Variants in NOS1AP observed in about 807,000 individuals in gnomAD.
The protein encoded by NOS1AP is nitric oxide synthase 1 adaptor protein, also known as carboxyl-terminal PDZ ligand of neuronal nitric oxide synthase protein.
In NOS1AP, 21 loss-of-function variants were observed where a neutral mutation model predicts 56.2. The ratio of observed to expected loss-of-function variants is 0.37; its 90% confidence interval spans 0.26 to 0.54. The LOEUF is 0.54. Among genes scored for constraint, NOS1AP ranks in the 20% least tolerant of loss-of-function variants. The pLI is 0.84. For missense variants in NOS1AP, 522 were observed against 657.8 expected, an observed-to-expected ratio of 0.79 and a Z score of 2.26; for synonymous variants, 270 against 274.6, an observed-to-expected ratio of 0.98 and a Z score of 0.17.
intron 5 of NOS1AP, among the ~76,000 whole-genome samples, chr1:162,341,180 A>C (rs1485893634): frequency 2.6e-5 from 4 of 152,200 alleles, no homozygotes; most frequent in Non-Finnish European, 2.9e-5. Flanking sequence ...AGGATCTTTA[A>C]ATTTTTAATA....
intron 2 of NOS1AP, among the ~76,000 whole-genome samples, chr1:162,277,091 A>G (rs1654758781): frequency 6.6e-6 from 1 of 152,156 alleles, no homozygotes; most frequent in Admixed American, 6.5e-5. Flanking sequence ...TACGCTAGAA[A>G]TAAAGAACCC....
At chr1:162,296,237 A>G (rs947490259) in intron 3 of NOS1AP, among the ~76,000 whole-genome samples, 1 of 152,182 alleles carries the variant, frequency 6.6e-6, no homozygotes, top group African/African-American at 2.4e-5. Flanking sequence ...CAGTGAGCCG[A>G]GATCGCGCCA....
At chr1:162,269,744 G>T (rs929734834) in intron 2 of NOS1AP, among the ~76,000 whole-genome samples, 5 of 152,104 alleles carry the variant, frequency 3.3e-5, no homozygotes, top group Admixed American at 1.3e-4. Flanking sequence ...TTTCCAAAGG[G>T]CTATACTATA....
intron 1 of NOS1AP, among the ~76,000 whole-genome samples, chr1:162,138,486 A>G (rs1649097058): frequency 6.6e-6 from 1 of 152,182 alleles, no homozygotes; most frequent in Non-Finnish European, 1.5e-5. Flanking sequence ...ATAGCATTTA[A>G]TTTTATTCAT....
chr1:162,070,850 G>C (rs988912871), intron 1 of NOS1AP, among the ~76,000 whole-genome samples: 2 of 152,132 alleles, frequency 1.3e-5, no homozygotes, highest in African/African-American at 2.4e-5. Flanking sequence ...ACTGAAGGGA[G>C]TGGTGAAAGC....
Position 162,359,540 on chromosome 1 carries a change from C to T in NOS1AP, c.939+2404C>T, listed in dbSNP as rs376247310. Among the ~76,000 whole-genome samples, 234 of 152,312 alleles carry T rather than the reference C, an allele frequency of 1.5e-3. 2 individuals are homozygous for T. In the South Asian group the frequency reaches 0.026, roughly 17 times the overall value. Reference sequence around the variant, plus strand: ...ACTGACCTTCAGTTAGAGGTTTCTCCGCACACTGTTCATTCTTCCACTTTC... The same window carrying T: ...ACTGACCTTCAGTTAGAGGTTTCTCTGCACACTGTTCATTCTTCCACTTTC... On this transcript the variant is annotated intron_variant, in intron 8 of 9. Coordinates refer to ENST00000361897, the MANE Select transcript of NOS1AP (RefSeq NM_014697.3).
chr1:162,173,039 A>G (rs1015599559), intron 2 of NOS1AP, among the ~76,000 whole-genome samples: 4 of 152,074 alleles, frequency 2.6e-5, no homozygotes, highest in African/African-American at 7.2e-5. Context: ...CTCCCACTGC[A>G]CACTGCAGCC....
chr1:162,314,351 C>A (rs1391066023), intron 4 of NOS1AP, among the ~76,000 whole-genome samples: 1 of 152,174 alleles, frequency 6.6e-6, no homozygotes, highest in East Asian at 1.9e-4. Context: ...ATTAGGCCAC[C>A]TTTAGAAAAC....
In NOS1AP at chr1:162,365,448, G is replaced by A. The variant is rs1027062318; in HGVS notation, c.984G>A (p.Arg328=). 2 of 1,614,048 alleles carry A rather than the reference G, an allele frequency of 1.2e-6. No homozygotes were observed. The highest frequency in any genetic ancestry group is 1.7e-5 in the Admixed American group (1 of 60,038). Residue 328 remains arginine (R), a synonymous_variant, in exon 9 of 10, where the codon CGG becomes CGA. Transcript: ENST00000361897. ...KDQLAAEAAA[R]LEAQARVHQL... Reference sequence around the variant, plus strand: ...AGTTGGCTGCTGAGGCTGCGGCGCGGCTGGAGGCCCAGGCTCGCGTGCATC... The same window carrying A: ...AGTTGGCTGCTGAGGCTGCGGCGCGACTGGAGGCCCAGGCTCGCGTGCATC...
At chr1:162,161,732 C>T (rs766285481) in intron 2 of NOS1AP, among the ~76,000 whole-genome samples, 15 of 152,142 alleles carry the variant, frequency 9.9e-5, no homozygotes, top group Non-Finnish European at 2.2e-4. Context: ...GCATGTGCCA[C>T]CACACCTGGC....
At chr1:162,219,468 G>A (rs1439615905) in intron 2 of NOS1AP, among the ~76,000 whole-genome samples, 1 of 152,034 alleles carries the variant, frequency 6.6e-6, no homozygotes. Context: ...ACTGAGGTGG[G>A]GCCCTGGCTT....
At chr1:162,324,985 G>A (rs945849997) in intron 4 of NOS1AP, among the ~76,000 whole-genome samples, 1 of 152,166 alleles carries the variant, frequency 6.6e-6, no homozygotes, top group Non-Finnish European at 1.5e-5. Flanking sequence ...AGGTGTCTGT[G>A]GAAGTCAGGC....
chr1:162,299,475 G>A (rs1655572515), intron 3 of NOS1AP, among the ~76,000 whole-genome samples: 1 of 152,184 alleles, frequency 6.6e-6, no homozygotes, highest in African/African-American at 2.4e-5. Flanking sequence ...AGATGTTCTG[G>A]ACTTGCTCTG....
chr1:162,261,079 A>G lies in NOS1AP; in HGVS notation c.178-26265A>G, dbSNP rs531434324. 1.4e-5 allele frequency among the ~76,000 whole-genome samples: 2 copies of G among 139,190 alleles called. 1 individual carries two copies. Among genetic ancestry groups the G allele is most frequent in the East Asian group, 5.0e-4 (2 of 3,980 alleles). 91.3% of individuals were successfully genotyped at this position (139,190 alleles called of 152,430 possible). A position where few individuals can be genotyped will look rare whatever the true frequency, so the allele number is the denominator to read the frequency against. ...CTAATATAACAAATTAGAATTTGTTATACTCCCAAAGTGCCTTGAAAGTTA... is the reference window on the plus strand; with the variant it reads ...CTAATATAACAAATTAGAATTTGTTGTACTCCCAAAGTGCCTTGAAAGTTA... On this transcript the variant is annotated intron_variant, in intron 2 of 9. Coordinates refer to ENST00000361897, the MANE Select transcript of NOS1AP (RefSeq NM_014697.3).
At chr1:162,171,783 C>T (rs1571094545) in intron 2 of NOS1AP, among the ~76,000 whole-genome samples, 2 of 152,062 alleles carry the variant, frequency 1.3e-5, no homozygotes, top group East Asian at 3.9e-4. Context: ...CATCTAGTGG[C>T]ATCTCTTCTC....
At chr1:162,179,788 G>A (rs903474427) in intron 2 of NOS1AP, among the ~76,000 whole-genome samples, 13 of 152,274 alleles carry the variant, frequency 8.5e-5, no homozygotes, top group African/African-American at 3.1e-4. Context: ...TCATGAAGGC[G>A]CTGACTTGCC....
chr1:162,168,591 G>A (rs556806553), intron 2 of NOS1AP, among the ~76,000 whole-genome samples: 8 of 152,076 alleles, frequency 5.3e-5, no homozygotes, highest in South Asian at 2.1e-4. Context: ...AGAAATCCAC[G>A]CGCAATTGAT....
At chr1:162,356,873 C>T in intron 7 of NOS1AP, 87 bp from the exon 8 acceptor site, 2 of 1,608,292 alleles carry the variant, frequency 1.2e-6, no homozygotes, top group Non-Finnish European at 1.7e-6. Flanking sequence ...TGCCAATTTG[C>T]TCCTCCTGAG....
chr1:162,296,939 T>G (rs1655484883), intron 3 of NOS1AP, among the ~76,000 whole-genome samples: 1 of 152,144 alleles, frequency 6.6e-6, no homozygotes, highest in South Asian at 2.1e-4. Flanking sequence ...CCACTTAGGA[T>G]TTGATATTCC....
Sources: allele counts gnomAD v4.1 joint callset (sites outside exome capture counted in the v4.1 genomes callset), GRCh38; gene constraint gnomAD v4.1.1; transcripts MANE v1.5; gene names NCBI Gene and HGNC (gene_info 2026-07-23, HGNC 2026-07-21).